The following TMEM131L variants were observed in gnomAD, a reference collection of about 807,000 sequenced individuals.
TMEM131L encodes transmembrane 131 like.
TMEM131L carries 54 observed loss-of-function variants against 192.2 expected under a neutral mutation model. The observed-to-expected ratio is 0.28, with a 90% confidence interval of 0.23 to 0.35. The LOEUF (loss-of-function observed/expected upper bound fraction) is 0.35, where lower values mean the gene tolerates loss of function less well. Ranked by LOEUF, TMEM131L falls within the 10% of genes least tolerant of loss-of-function variation. TMEM131L has a pLI of 1.00. For synonymous variants in TMEM131L, 701 were observed against 704.9 expected (o/e 0.99, Z 0.09); for missense variants, 1,888 against 1,972.9 (o/e 0.96, Z 0.82).
chr4:153,516,145 T>A (rs1734715173), intron 3 of TMEM131L, among the ~76,000 whole-genome samples: 2 of 152,246 alleles, frequency 1.3e-5, no homozygotes, highest in Admixed American at 6.5e-5. Flanking sequence ...GACAATTTTG[T>A]AAGTTGCTTT....
chr4:153,532,320 G>C (rs1735957507), intron 3 of TMEM131L, among the ~76,000 whole-genome samples: 1 of 152,114 alleles, frequency 6.6e-6, no homozygotes, highest in Admixed American at 6.5e-5. Flanking sequence ...TGTAGAGCTT[G>C]TATGGGTACA....
At chr4:153,550,214 A>G in intron 4 of TMEM131L, 73 bp downstream of exon 4, 1 of 595,828 alleles carries the variant, frequency 1.7e-6, no homozygotes, top group Non-Finnish European at 2.9e-6. Context: ...TTTTACATAT[A>G]TGTACAATGT....
rs770403271 is a variant in TMEM131L at position 153,623,010 on chromosome 4, G to A, written c.3972G>A (p.Gly1324=). The change falls in exon 29 of 35, where the codon GGG becomes GGA. Residue 1324 remains glycine (G), a synonymous_variant. Coordinates refer to ENST00000409959, the MANE Select transcript of TMEM131L (RefSeq NM_001131007.2). ...TGCGTGCCAGCCGGGGCAGCTGGGG[G>A]AGCTGGAGCAGCACCAGCAGCTCCG... is the stretch of plus-strand genomic sequence containing the variant. ...GSVRASRGSW[G]SWSSTSSSDG... 4.3e-6 allele frequency: 7 copies of A among 1,613,980 alleles called. No homozygotes were observed. Among genetic ancestry groups the A allele is most frequent in the Non-Finnish European group, 5.9e-6 (7 of 1,180,020 alleles).
intron 3 of TMEM131L, among the ~76,000 whole-genome samples, chr4:153,486,813 T>C (rs531329382): frequency 6.6e-6 from 1 of 152,364 alleles, no homozygotes; most frequent in South Asian, 2.1e-4. Flanking sequence ...TGATCAGCTC[T>C]GTCCTGCAGG....
intron 17 of TMEM131L, 23 bp downstream of exon 17, chr4:153,591,217 T>C: frequency 1.3e-6 from 2 of 1,557,414 alleles, no homozygotes; most frequent in Non-Finnish European, 1.7e-6. Context: ...TGTCTTTTCA[T>C]TTCTTTGTCA....
intron 3 of TMEM131L, among the ~76,000 whole-genome samples, chr4:153,523,345 A>G (rs1417522037): frequency 1.3e-5 from 2 of 152,232 alleles, no homozygotes; most frequent in Non-Finnish European, 2.9e-5. Context: ...AATTCCTTCT[A>G]TAAGACGTGA....
intron 3 of TMEM131L, among the ~76,000 whole-genome samples, chr4:153,548,290 A>AT (rs199671892): frequency 0.012 from 1,851 of 151,584 alleles, 42 homozygotes; most frequent in African/African-American, 0.042. Flanking sequence ...GCATTACTTT[A>AT]TTTTTTTTTA....
At chr4:153,537,722 T>C (rs986635532) in intron 3 of TMEM131L, among the ~76,000 whole-genome samples, 1 of 152,138 alleles carries the variant, frequency 6.6e-6, no homozygotes, top group Non-Finnish European at 1.5e-5. Flanking sequence ...TGACCTCTTA[T>C]CTCATCCAAG....
At chr4:153,506,088 T>TA (rs1162612413) in intron 3 of TMEM131L, among the ~76,000 whole-genome samples, 1 of 152,156 alleles carries the variant, frequency 6.6e-6, no homozygotes, top group Non-Finnish European at 1.5e-5. Context: ...AAAACAATAG[T>TA]AGAGTCGAAC....
At chr4:153,567,249 A>G (rs555423874) in intron 7 of TMEM131L, among the ~76,000 whole-genome samples, 65 of 152,372 alleles carry the variant, frequency 4.3e-4, no homozygotes, top group Admixed American at 3.9e-4. Context: ...GAGAAAGGTT[A>G]AGGGTCTTTA....
At chr4:153,479,612 G>T (rs1731780776) in intron 3 of TMEM131L, among the ~76,000 whole-genome samples, 1 of 152,076 alleles carries the variant, frequency 6.6e-6, no homozygotes, top group Non-Finnish European at 1.5e-5. Flanking sequence ...CATAAATACT[G>T]TCTAGGTACA....
chr4:153,634,328 G>A (rs767715191), intron 33 of TMEM131L, 48 bp downstream of exon 33: 2 of 1,431,150 alleles, frequency 1.4e-6, no homozygotes, highest in Admixed American at 1.7e-5. Context: ...ATTCTTAGAA[G>A]GTCAAAGCAG....
intron 7 of TMEM131L, among the ~76,000 whole-genome samples, chr4:153,558,922 A>C (rs1321853567): frequency 1.3e-5 from 2 of 152,244 alleles, no homozygotes; most frequent in Non-Finnish European, 2.9e-5. Context: ...ACATTTCATG[A>C]ATCATTTTAT....
intron 29 of TMEM131L, among the ~76,000 whole-genome samples, chr4:153,625,293 T>TA (rs1733755770): frequency 6.6e-6 from 1 of 151,742 alleles, no homozygotes; most frequent in African/African-American, 2.4e-5. Context: ...CGCCTGCAGT[T>TA]ACAGCCACTG....
chr4:153,553,569 A>C (rs1737792155), intron 4 of TMEM131L, among the ~76,000 whole-genome samples: 1 of 152,096 alleles, frequency 6.6e-6, no homozygotes, highest in African/African-American at 2.4e-5. Flanking sequence ...CATTAGAGTA[A>C]AACTTTAGCC....
rs141365796 is a variant in TMEM131L at position 153,585,484 on chromosome 4, C to G, written c.1184C>G (p.Thr395Ser). ...QGYFRMDSSA[T>S]QFHIETHENT... is the part of the protein sequence containing the mutation. The stretch of plus-strand genomic sequence containing the variant: ...TATTTTAGAATGGACTCTTCTGCAA[C>G]CCAGTTTCACATAGAGACTCATGAG... The change falls in exon 13 of 35, where the codon ACC becomes AGC. Residue 395 changes from threonine (T) to serine (S), a missense_variant. By Grantham distance (58) the Thr-to-Ser change is moderately conservative. Transcript: ENST00000409959. 4.6e-5 allele frequency: 75 copies of G among 1,613,968 alleles called. No individual in the cohort carries two copies. The African/African-American group carries it at 8.7e-4, about 19-fold the overall frequency.
At chr4:153,525,143 CATA>C (rs1459593488) in intron 3 of TMEM131L, among the ~76,000 whole-genome samples, 1 of 152,234 alleles carries the variant, frequency 6.6e-6, no homozygotes, top group African/African-American at 2.4e-5. Context: ...CGACTTGATA[CATA>C]ATGATTATTC....
At chr4:153,477,969 C>G (rs997679381) in intron 3 of TMEM131L, among the ~76,000 whole-genome samples, 1 of 152,212 alleles carries the variant, frequency 6.6e-6, no homozygotes, top group African/African-American at 2.4e-5. Context: ...CCATCAACCT[C>G]CAATCTCCTA....
At chr4:153,559,779 G>C (rs1163135678) in intron 7 of TMEM131L, among the ~76,000 whole-genome samples, 3 of 151,984 alleles carry the variant, frequency 2.0e-5, no homozygotes, top group Non-Finnish European at 4.4e-5. Context: ...GACCCCATTA[G>C]TCCCCTGCTT....
Sources: gnomAD v4.1 joint callset for allele counts (sites outside exome capture counted in the v4.1 genomes callset) on GRCh38, gnomAD v4.1.1 for gene constraint, MANE v1.5 for transcripts, NCBI Gene and HGNC (gene_info 2026-07-23, HGNC 2026-07-21) for gene names.